The following SYNE2 variants were observed in gnomAD, a reference collection of about 807,000 sequenced individuals.
SYNE2 encodes spectrin repeat containing nuclear envelope protein 2, also known as nesprin-2.
In SYNE2, 431 loss-of-function variants were observed where a neutral mutation model predicts 856.3. The observed-to-expected ratio is 0.50, with a 90% CI of 0.47 to 0.55. The LOEUF is 0.55. SYNE2 is among the 20% of genes least tolerant of loss of function. The probability of loss-of-function intolerance (pLI) is 0.00; values close to 1 mark genes in which losing one functional copy is unlikely to be tolerated. For synonymous variants in SYNE2, 2,923 were observed against 2,872.3 expected, an observed-to-expected ratio of 1.02 and a Z score of -0.56; for missense variants, 8,129 against 8,023.2, an observed-to-expected ratio of 1.01 and a Z score of -0.50.
At chr14:63,792,736 G>A (rs746413657) in intron 1 of SYNE2, among the ~76,000 whole-genome samples, 12 of 151,996 alleles carry the variant, frequency 7.9e-5, no homozygotes, top group Non-Finnish European at 1.8e-4. Context: ...CACAATCAGA[G>A]CTCACTGCAG....
chr14:63,810,418 G>A (rs1309997425), intron 1 of SYNE2, among the ~76,000 whole-genome samples: 1 of 152,152 alleles, frequency 6.6e-6, no homozygotes, highest in Non-Finnish European at 1.5e-5. Context: ...TTTGTAAGGA[G>A]CTGAGATATA....
intron 1 of SYNE2, among the ~76,000 whole-genome samples, chr14:63,861,761 TAAAAAG>T (rs950762136): frequency 2.2e-4 from 34 of 151,658 alleles, no homozygotes; most frequent in African/African-American, 8.2e-4. Flanking sequence ...AGACCCCGAC[TAAAAAG>T]AAAAAAAGGA....
chr14:64,086,837 G>A (rs2097566324), intron 57 of SYNE2, among the ~76,000 whole-genome samples: 1 of 150,964 alleles, frequency 6.6e-6, no homozygotes, highest in Non-Finnish European at 1.5e-5. Flanking sequence ...AGCCTCCTGA[G>A]TAGCTGGGAT....
chr14:64,067,508 A>G (rs1338196604), intron 51 of SYNE2, among the ~76,000 whole-genome samples: 2 of 152,224 alleles, frequency 1.3e-5, no homozygotes, highest in Non-Finnish European at 2.9e-5. Context: ...TAAAAAGTAT[A>G]TCATCTAACA....
At chr14:64,202,406 C>A in intron 99 of SYNE2, 1 of 649,582 alleles carries the variant, frequency 1.5e-6, no homozygotes. Flanking sequence ...CAGTCTCAGG[C>A]ATACCCACGG....
intron 45 of SYNE2, among the ~76,000 whole-genome samples, chr14:64,039,031 C>T (rs1033878036): frequency 6.6e-6 from 1 of 152,068 alleles, no homozygotes; most frequent in Non-Finnish European, 1.5e-5. Flanking sequence ...CTGTGCCTTA[C>T]GAGTCACATT....
intron 113 of SYNE2, 135 bp from the exon 114 acceptor site, chr14:64,224,326 G>C: frequency 1.2e-6 from 1 of 854,140 alleles, no homozygotes; most frequent in Non-Finnish European, 2.0e-6. Context: ...ACTCCAGCCT[G>C]GGTGACACAG....
At position 64,165,309 on chromosome 14, in the gene SYNE2, T is replaced by C. The variant is rs1455090458; in HGVS notation, c.16504T>C (p.Phe5502Leu). ...GTTTGTTCTCTCACAGTTTAAGGATTTTGGAGTCCGGCTGGAATCTTTAAA... is the reference window on the plus strand; with the variant it reads ...GTTTGTTCTCTCACAGTTTAAGGATCTTGGAGTCCGGCTGGAATCTTTAAA... ...FEFVLSQFKD[F>L]GVRLESLKGL... The change falls in exon 90 of 116, where the codon TTT becomes CTT. Residue 5502 changes from phenylalanine (F) to leucine (L), a missense_variant. By Grantham distance (22) the Phe-to-Leu change is conservative. Transcript: ENST00000555002. 8 of 1,613,922 alleles carry C rather than the reference T, an allele frequency of 5.0e-6. No homozygotes were observed. The highest frequency in any genetic ancestry group is 6.8e-6 in the Non-Finnish European group (8 of 1,179,938).
chr14:64,201,137 G>T (rs540748629), intron 99 of SYNE2, among the ~76,000 whole-genome samples: 1 of 152,270 alleles, frequency 6.6e-6, no homozygotes, highest in Non-Finnish European at 1.5e-5. Flanking sequence ...TACATTGCAG[G>T]GTGCAGAGCT....
intron 8 of SYNE2, among the ~76,000 whole-genome samples, chr14:63,960,160 CT>C (rs2096291866): frequency 1.3e-5 from 2 of 152,112 alleles, no homozygotes; most frequent in Admixed American, 6.6e-5. Flanking sequence ...TCTCTTGGTG[CT>C]TATATCTTTT....
intron 108 of SYNE2, 118 bp from the exon 109 acceptor site, chr14:64,218,280 A>G: frequency 1.1e-6 from 1 of 898,042 alleles, no homozygotes. Flanking sequence ...CTAGCAAGAT[A>G]CCCTTCAAAG....
At chr14:63,809,060 G>A (rs1054993410) in intron 1 of SYNE2, among the ~76,000 whole-genome samples, 2 of 152,030 alleles carry the variant, frequency 1.3e-5, no homozygotes, top group African/African-American at 4.8e-5. Flanking sequence ...GGAGAGGCCC[G>A]GAGGTCACAC....
At chr14:63,780,691 CTGTT>C (rs757083606) in intron 1 of SYNE2, among the ~76,000 whole-genome samples, 1 of 152,030 alleles carries the variant, frequency 6.6e-6, no homozygotes, top group African/African-American at 2.4e-5. Flanking sequence ...AAATATAAAA[CTGTT>C]TGAGAAGTAT....
rs979222799 is a variant in SYNE2, at chr14:63,946,504, CATAT to C, written c.409-3316_409-3313del. Among the ~76,000 whole-genome samples, 17 of 76,648 alleles carry C rather than the reference CATAT, an allele frequency of 2.2e-4. 2 individuals carry two copies. Among genetic ancestry groups the C allele is most frequent in the Admixed American group, 2.2e-3 (14 of 6,364 alleles). 50.3% of individuals were successfully genotyped at this position (76,648 alleles called of 152,430 possible). A position where few individuals can be genotyped will look rare whatever the true frequency, so the allele number is the denominator to read the frequency against. On this transcript the variant is annotated intron_variant, in intron 6 of 115. Transcript: ENST00000555002. ...AGACATACACATATATACTGGAGAT[CATAT>C]ATATGTATATATATGATCTCCAGTA...
At chr14:64,013,161 CTT>C (rs768632248) in intron 32 of SYNE2, among the ~76,000 whole-genome samples, 17 of 152,180 alleles carry the variant, frequency 1.1e-4, no homozygotes, top group Admixed American at 9.2e-4. Flanking sequence ...AGTATACTCT[CTT>C]TTCTCATCAT....
intron 22 of SYNE2, 111 bp downstream of exon 22, chr14:63,994,080 G>T: frequency 9.2e-7 from 1 of 1,091,298 alleles, no homozygotes; most frequent in Non-Finnish European, 1.4e-6. Flanking sequence ...TCACCAGTGG[G>T]CTGGTCCCTG....
intron 1 of SYNE2, among the ~76,000 whole-genome samples, chr14:63,884,043 G>A (rs1180467093): frequency 6.6e-6 from 1 of 152,150 alleles, no homozygotes; most frequent in African/African-American, 2.4e-5. Context: ...AGGAGATGAA[G>A]GAAAGCCGCT....
chr14:64,189,035 A>G (rs1254768376), intron 98 of SYNE2: 4 of 700,542 alleles, frequency 5.7e-6, no homozygotes, highest in Non-Finnish European at 1.0e-5. Context: ...TCTAGTTGTT[A>G]TTAAGAAGCT....
chr14:63,894,424 G>C (rs1197350473), intron 1 of SYNE2, among the ~76,000 whole-genome samples: 1 of 151,972 alleles, frequency 6.6e-6, no homozygotes, highest in African/African-American at 2.4e-5. Flanking sequence ...ATTTTGCTAT[G>C]TTGCCCAGGC....
Sources: gnomAD v4.1 joint callset for allele counts (sites outside exome capture counted in the v4.1 genomes callset) on GRCh38, gnomAD v4.1.1 for gene constraint, MANE v1.5 for transcripts, NCBI Gene and HGNC (gene_info 2026-07-23, HGNC 2026-07-21) for gene names.